Variants in ASPHD2 observed in about 807,000 individuals in gnomAD.
ASPHD2 encodes aspartate beta-hydroxylase domain-containing protein 2.
ASPHD2 carries 12 observed loss-of-function variants against 34.6 expected under a neutral mutation model. That is an observed-to-expected ratio of 0.35 (90% CI 0.22 to 0.56). The LOEUF (loss-of-function observed/expected upper bound fraction) is 0.56. Among genes scored for constraint, ASPHD2 ranks in the 20% least tolerant of loss-of-function variants. ASPHD2 has a pLI of 0.87. For missense variants in ASPHD2, 375 were observed against 505.0 expected (o/e 0.74, Z 2.47); for synonymous variants, 224 against 212.2 (o/e 1.06, Z -0.48).
Position 26,438,574 on chromosome 22 carries a change from T to TATATATACATACATATATACACATAC in ASPHD2, c.887-3866_887-3865insCACATACATATATACATACATATATA, listed in dbSNP as rs1568983999. ...ATACACATACATATATACACATACA[T>TATATATACATACATATATACACATAC]ATATATACATACATATATATACACA... On this transcript the variant is annotated intron_variant, in intron 2 of 3. Transcript: ENST00000215906. Among the ~76,000 whole-genome samples, 247 of 72,892 alleles carry TATATATACATACATATATACACATAC rather than the reference T, an allele frequency of 3.4e-3. 6 individuals are homozygous for TATATATACATACATATATACACATAC. Among genetic ancestry groups the TATATATACATACATATATACACATAC allele is most frequent in the East Asian group, 0.02 (37 of 1,848 alleles). 47.8% of individuals were successfully genotyped at this position (72,892 alleles called of 152,430 possible).
chr22:26,432,325 C>T (rs1220751094), intron 1 of ASPHD2, among the ~76,000 whole-genome samples: 2 of 152,212 alleles, frequency 1.3e-5, no homozygotes, highest in African/African-American at 4.8e-5. Context: ...ATTTCAGTCC[C>T]TGGGTAAAGG....
Position 26,432,069 on chromosome 22 carries a change from C to A in ASPHD2, c.-224-1323C>A, listed in dbSNP as rs2084760051. ...AATTAGCTGGGTGTGATGGCGCATGCCTGTAATCCCAGCTACTCAGGAGGC... is the reference window on the plus strand; with the variant it reads ...AATTAGCTGGGTGTGATGGCGCATGACTGTAATCCCAGCTACTCAGGAGGC... On this transcript the variant is annotated intron_variant, in intron 1 of 3. Coordinates refer to ENST00000215906, the MANE Select transcript of ASPHD2 (RefSeq NM_020437.5). Among the ~76,000 whole-genome samples, 4 of 152,200 alleles carry A rather than the reference C, an allele frequency of 2.6e-5. No homozygotes were observed. The South Asian group carries it at 8.3e-4, about 32-fold the overall frequency.
At chr22:26,432,289 C>T (rs914891220) in intron 1 of ASPHD2, among the ~76,000 whole-genome samples, 1 of 152,170 alleles carries the variant, frequency 6.6e-6, no homozygotes, top group Non-Finnish European at 1.5e-5. Flanking sequence ...CTCTCTGCTA[C>T]GATGCTGCAA....
intron 2 of ASPHD2, among the ~76,000 whole-genome samples, chr22:26,435,501 GAGGA>G (rs994204616): frequency 3.4e-4 from 52 of 152,278 alleles, no homozygotes; most frequent in African/African-American, 1.2e-3. Context: ...CTTCAGTAGG[GAGGA>G]AGGAAGAGCA....
chr22:26,437,124 C>T (rs1296354991), intron 2 of ASPHD2, among the ~76,000 whole-genome samples: 2 of 152,122 alleles, frequency 1.3e-5, no homozygotes, highest in Non-Finnish European at 2.9e-5. Flanking sequence ...AAAGGTGTGT[C>T]GGATTTATGT....
rs779755180 is a variant in ASPHD2 at position 26,442,525 on chromosome 22, G to A, written c.953G>A (p.Arg318His). 2.5e-6 allele frequency: 4 copies of A among 1,611,542 alleles called. No homozygotes were observed. The South Asian group carries it at 3.3e-5, about 13-fold the overall frequency. Residue 318 changes from arginine (R) to histidine (H), a missense_variant, in exon 3 of 4, where the codon CGC (arginine) becomes CAC (histidine). Transcript: ENST00000215906. The part of the protein sequence containing the change: ...GGEPQCWAEG[R>H]CLLFDDSFLH... ...GAGCCCCAGTGCTGGGCAGAAGGGC[G>A]CTGCCTTCTCTTTGATGACTCTTTC... is the stretch of plus-strand genomic sequence containing the variant.
At chr22:26,436,842 ATGTGTGTG>A (rs4049320) in intron 2 of ASPHD2, among the ~76,000 whole-genome samples, 2 of 148,784 alleles carry the variant, frequency 1.3e-5, no homozygotes, top group Non-Finnish European at 3.0e-5. Context: ...ATATGCATGC[ATGTGTGTG>A]TGTGTGTGTG....
intron 2 of ASPHD2, among the ~76,000 whole-genome samples, chr22:26,435,960 TGA>T (rs2084789980): frequency 6.6e-6 from 1 of 152,090 alleles, no homozygotes; most frequent in South Asian, 2.1e-4. Flanking sequence ...ACAGGATTGT[TGA>T]GAGGATTCAA....
At position 26,444,511 on chromosome 22, in the gene ASPHD2, CTG is replaced by C. The variant is rs1568987436; in HGVS notation, c.*1309_*1310del. The C allele has an allele frequency of 6.6e-6, 1 of 152,150 alleles. No individual in the cohort carries two copies. The highest frequency in any genetic ancestry group is 2.4e-5 in the African/African-American group (1 of 41,446). 9.4% of individuals were successfully genotyped at this position (152,150 alleles called of 1,614,324 possible). A position where few individuals can be genotyped will look rare whatever the true frequency, so the allele number is the denominator to read the frequency against. On this transcript the variant is annotated 3_prime_UTR_variant, in exon 4 of 4. Transcript: ENST00000215906. ...TTGAGGCACTCACTCTAGAAATAGC[CTG>C]TGTTAGCTGATGTGTGAAAGCGTAG...
chr22:26,438,624 CATATAT>C (rs879636467), intron 2 of ASPHD2, among the ~76,000 whole-genome samples: 2 of 94,362 alleles, frequency 2.1e-5, no homozygotes, highest in African/African-American at 9.3e-5. Flanking sequence ...TATATACACA[CATATAT>C]ATACATATAT....
Position 26,433,728 on chromosome 22 carries a change from C to T in ASPHD2, c.113C>T (p.Ser38Leu), listed in dbSNP as rs891346619. The T allele has an allele frequency of 1.2e-6, 2 of 1,613,772 alleles. No individual in the cohort carries two copies. The highest frequency in any genetic ancestry group is 1.7e-6 in the Non-Finnish European group (2 of 1,180,038). ...SLEWLVAWSW[S>L]LDGLRDCIAT... ...GAGTGGCTGGTGGCCTGGAGCTGGT[C>T]GCTGGATGGCCTGAGGGACTGCATC... is the stretch of plus-strand genomic sequence containing the variant. Residue 38 changes from serine (S) to leucine (L), a missense_variant, in exon 2 of 4, where the codon TCG (serine) becomes TTG (leucine). Ser to Leu is a moderately radical substitution (Grantham distance 145). This residue lies in a region of ASPHD2 where 223 missense variants were observed against 257.8 expected (regional missense o/e 0.87). Transcript: ENST00000215906. The surrounding 1 kb of genome is among the most constrained non-coding windows in gnomAD (Gnocchi z 5.1).
In ASPHD2 at chr22:26,433,803, C is replaced by G; in HGVS notation, c.188C>G (p.Thr63Ser). 6.2e-6 allele frequency: 10 copies of G among 1,613,996 alleles called. No individual in the cohort carries two copies. Among genetic ancestry groups the G allele is most frequent in the South Asian group, 1.1e-5 (1 of 91,088 alleles). Residue 63 changes from threonine (T) to serine (S), a missense_variant, in exon 2 of 4, where the codon ACT (threonine) becomes AGT (serine). Around this residue, in one of 3 missense-constraint regions of ASPHD2, gnomAD observed 223 missense variants for 257.8 expected, o/e 0.87. Coordinates refer to ENST00000215906, the MANE Select transcript of ASPHD2 (RefSeq NM_020437.5). The surrounding 1 kb of genome is among the most constrained non-coding windows in gnomAD (Gnocchi z 5.1). ...VRDCDTTAVI[T>S]VACLLVLFVW... is the part of the protein sequence containing the mutation. ...GACTGCGACACCACCGCTGTCATCA[C>G]TGTGGCCTGCCTCCTGGTCCTCTTC...
intron 2 of ASPHD2, among the ~76,000 whole-genome samples, chr22:26,438,552 C>T (rs2010988): frequency 0.57 from 61,320 of 107,852 alleles, 18,758 homozygotes; most frequent in African/African-American, 0.67. Context: ...TACATATATA[C>T]ACATACATAT....
At position 26,434,300 on chromosome 22, in the gene ASPHD2, T is replaced by A. The variant is rs148508323; in HGVS notation, c.685T>A (p.Phe229Ile). 1 of 1,614,116 alleles carries A rather than the reference T, an allele frequency of 6.2e-7. No homozygotes were observed. Among genetic ancestry groups the A allele is most frequent in the Non-Finnish European group, 8.5e-7 (1 of 1,180,022 alleles). Residue 229 changes from phenylalanine to isoleucine, a missense_variant, in exon 2 of 4, where the codon TTC becomes ATC. Around this residue, in one of 3 missense-constraint regions of ASPHD2, gnomAD observed 142 missense variants for 217.9 expected, o/e 0.65. Transcript: ENST00000215906. Reference sequence around the variant, plus strand: ...GAACAGCACCCCCAGCGGGGAGTGGTTCACCTTTTACTTGGTCAATCAGGG... The same window carrying A: ...GAACAGCACCCCCAGCGGGGAGTGGATCACCTTTTACTTGGTCAATCAGGG... ...KMNSTPSGEW[F>I]TFYLVNQGVC...
intron 2 of ASPHD2, among the ~76,000 whole-genome samples, chr22:26,440,317 T>G (rs1381678672): frequency 6.6e-6 from 1 of 152,188 alleles, no homozygotes; most frequent in Non-Finnish European, 1.5e-5. Context: ...TTATTTTTAT[T>G]TTTGAGACAG....
intron 2 of ASPHD2, among the ~76,000 whole-genome samples, chr22:26,438,485 A>G (rs2084807753): frequency 9.4e-6 from 1 of 106,016 alleles, no homozygotes; most frequent in Non-Finnish European, 2.1e-5. Flanking sequence ...ATATACATAT[A>G]TATAGATACA....
intron 2 of ASPHD2, among the ~76,000 whole-genome samples, chr22:26,435,725 GAAAAGAAAAGAAAAGAAA>G (rs2084787605): frequency 7.1e-5 from 1 of 14,040 alleles, no homozygotes; most frequent in Non-Finnish European, 1.7e-4. Context: ...GAAAAGAAAA[GAAAAGAAAAGAAAAGAAA>G]AGAAAAGAAA....
rs1223465879 is a variant in ASPHD2 at position 26,443,180 on chromosome 22, G to C, written c.1084G>C (p.Asp362His). The C allele has an allele frequency of 6.2e-7, 1 of 1,614,126 alleles. No homozygotes were observed. The highest frequency in any genetic ancestry group is 8.5e-7 in the Non-Finnish European group (1 of 1,180,010). The change falls in exon 4 of 4, where the codon GAT (aspartate) becomes CAT (histidine). Residue 362 changes from aspartate (D) to histidine (H), a missense_variant. Transcript: ENST00000215906. ...NVAAAERQAL[D>H]FIFAPGR Reference sequence around the variant, plus strand: ...CGCAGCGGCCGAACGGCAGGCTCTTGATTTCATCTTTGCTCCGGGACGATG... The same window carrying C: ...CGCAGCGGCCGAACGGCAGGCTCTTCATTTCATCTTTGCTCCGGGACGATG...
chr22:26,433,209 G>A lies in ASPHD2; in HGVS notation c.-224-183G>A, dbSNP rs763700908. Among the ~76,000 whole-genome samples, 2 of 152,182 alleles carry A rather than the reference G, an allele frequency of 1.3e-5. No homozygotes were observed. Among genetic ancestry groups the A allele is most frequent in the Non-Finnish European group, 2.9e-5 (2 of 68,030 alleles). Reference sequence around the variant, plus strand: ...ACTGTAATTATAAGCAGTACCTGATGCAGATGAAATACTACTGGCCTTTTG... The same window carrying A: ...ACTGTAATTATAAGCAGTACCTGATACAGATGAAATACTACTGGCCTTTTG... On this transcript the variant is annotated intron_variant, in intron 1 of 3. Transcript: ENST00000215906. The surrounding 1 kb of genome is among the most constrained non-coding windows in gnomAD (Gnocchi z 5.1).
Sources: allele counts gnomAD v4.1 joint callset (sites outside exome capture counted in the v4.1 genomes callset), GRCh38; gene constraint gnomAD v4.1.1; regional missense constraint gnomAD v4.1.1; non-coding constraint Gnocchi (gnomAD v3.1); transcripts MANE v1.5; gene names NCBI Gene and HGNC (gene_info 2026-07-23, HGNC 2026-07-21).